The following DYNC2I1 variants were observed in gnomAD, a reference collection of about 807,000 sequenced individuals.
DYNC2I1 encodes cytoplasmic dynein 2 intermediate chain 1.
A neutral mutation model predicts 133.4 loss-of-function variants in DYNC2I1; 89 were observed. That is an observed-to-expected ratio of 0.67 (90% CI 0.56 to 0.80). DYNC2I1 has a LOEUF of 0.80. Among genes scored for constraint, DYNC2I1 ranks in the 30% least tolerant of loss-of-function variants. The pLI is 0.00. For missense variants in DYNC2I1, 1,291 were observed against 1,314.5 expected (o/e 0.98, Z 0.28); for synonymous variants, 504 against 484.3 (o/e 1.04, Z -0.54).
intron 20 of DYNC2I1, among the ~76,000 whole-genome samples, chr7:158,929,021 A>C (rs960194359): frequency 6.6e-6 from 1 of 152,252 alleles, no homozygotes; most frequent in Non-Finnish European, 1.5e-5. Context: ...TTTGTAGTAC[A>C]TGATGGTCAT....
rs1022807651 is a variant in DYNC2I1, at chr7:158,877,283, C to A, written c.573+592C>A. ...CGGGTGTGTTGGTGCTCTCCAGGCACCTGCGGTTCCGGATTGGTGTTTTGC... is the reference window on the plus strand; with the variant it reads ...CGGGTGTGTTGGTGCTCTCCAGGCAACTGCGGTTCCGGATTGGTGTTTTGC... On this transcript the variant is annotated intron_variant, in intron 4 of 24. Coordinates refer to ENST00000407559, the MANE Select transcript of DYNC2I1 (RefSeq NM_018051.5). Among the ~76,000 whole-genome samples, 7 of 150,004 alleles carry A rather than the reference C, an allele frequency of 4.7e-5. No individual in the cohort carries two copies. The South Asian group carries it at 1.5e-3, about 32-fold the overall frequency.
At chr7:158,929,947 CAG>C (rs935837671) in intron 20 of DYNC2I1, among the ~76,000 whole-genome samples, 46 of 152,296 alleles carry the variant, frequency 3.0e-4, no homozygotes, top group African/African-American at 1.1e-3. Context: ...GCTGCTGGAA[CAG>C]AGAGTGAGGC....
intron 11 of DYNC2I1, 67 bp downstream of exon 11, chr7:158,906,158 T>C (rs904838490): frequency 1.7e-5 from 24 of 1,417,112 alleles, no homozygotes; most frequent in Non-Finnish European, 2.1e-5. Flanking sequence ...TCACATACTT[T>C]TAAAAAATCG....
intron 14 of DYNC2I1, among the ~76,000 whole-genome samples, chr7:158,915,223 T>A (rs1429753690): frequency 6.7e-6 from 1 of 149,938 alleles, no homozygotes; most frequent in African/African-American, 2.5e-5. Flanking sequence ...TAAGGATGAC[T>A]GTGAAACATC....
chr7:158,861,427 CAG>C (rs1841858896), intron 1 of DYNC2I1, among the ~76,000 whole-genome samples: 1 of 152,168 alleles, frequency 6.6e-6, no homozygotes, highest in Non-Finnish European at 1.5e-5. Context: ...TCAGTGCAAA[CAG>C]AAATGGAGCT....
At chr7:158,885,760 T>C (rs1396841003) in intron 6 of DYNC2I1, among the ~76,000 whole-genome samples, 1 of 152,206 alleles carries the variant, frequency 6.6e-6, no homozygotes, top group East Asian at 1.9e-4. Flanking sequence ...TTTTACAAGT[T>C]TGGGCAAAGC....
At chr7:158,846,195 G>GT in the DYNC2I1 span, among the ~76,000 whole-genome samples, 2 of 152,176 alleles carry the variant, frequency 1.3e-5, no homozygotes, top group Non-Finnish European at 2.9e-5. Context: ...GGAAGCAGAA[G>GT]TTGTAGTGAG....
chr7:158,921,850 ATGTGTGAGAGC>A (rs1458095582), intron 15 of DYNC2I1, among the ~76,000 whole-genome samples: 1 of 152,100 alleles, frequency 6.6e-6, no homozygotes, highest in African/African-American at 2.4e-5. Flanking sequence ...TCTTCTGCTG[ATGTGTGAGAGC>A]TGCCGGCACG....
intron 3 of DYNC2I1, 55 bp from the exon 4 acceptor site, chr7:158,876,554 G>T: frequency 6.6e-7 from 1 of 1,504,736 alleles, no homozygotes; most frequent in South Asian, 1.4e-5. Context: ...TGTTAAAAGA[G>T]TTTTTTGATG....
chr7:158,926,097 G>C, intron 17 of DYNC2I1, 90 bp from the exon 18 acceptor site: 1 of 998,738 alleles, frequency 1.0e-6, no homozygotes, highest in Non-Finnish European at 1.5e-6. Flanking sequence ...GTGAGACCCA[G>C]AAGCACCTCG....
chr7:158,884,264 A>G (rs1278015471), intron 5 of DYNC2I1, among the ~76,000 whole-genome samples: 2 of 148,846 alleles, frequency 1.3e-5, no homozygotes, highest in Admixed American at 6.8e-5. Flanking sequence ...AGGCTCGTCT[A>G]TAACTCCCGA....
At chr7:158,863,534 T>G (rs1842064306) in intron 1 of DYNC2I1, among the ~76,000 whole-genome samples, 1 of 151,454 alleles carries the variant, frequency 6.6e-6, no homozygotes, top group African/African-American at 2.4e-5. Context: ...GGCTGCTTAC[T>G]TAGCTCTGGG....
At chr7:158,844,366 G>A in the DYNC2I1 span, among the ~76,000 whole-genome samples, 51 of 152,220 alleles carry the variant, frequency 3.4e-4, no homozygotes, top group African/African-American at 1.0e-3. Flanking sequence ...GTGGGTCATC[G>A]GTGCAGATGT....
At chr7:158,957,941 C>T (rs563441650), downstream of DYNC2I1, among the ~76,000 whole-genome samples, 3 of 152,322 alleles carry the variant, frequency 2.0e-5, no homozygotes, top group South Asian at 6.2e-4. Flanking sequence ...CCCCCAGTGT[C>T]TGTGGGACCC....
At chr7:158,840,885 C>G in the DYNC2I1 span, among the ~76,000 whole-genome samples, 20 of 152,070 alleles carry the variant, frequency 1.3e-4, no homozygotes, top group Non-Finnish European at 2.2e-4. Context: ...CACGGCCAGC[C>G]CACTGGCTGG....
chr7:158,842,034 G>T, the DYNC2I1 span, among the ~76,000 whole-genome samples: 1 of 151,982 alleles, frequency 6.6e-6, no homozygotes, highest in African/African-American at 2.4e-5. Flanking sequence ...TATTTTGTTT[G>T]TTTGTTTGTT....
intron 8 of DYNC2I1, among the ~76,000 whole-genome samples, chr7:158,894,283 C>T (rs1363534951): frequency 6.6e-6 from 1 of 152,174 alleles, no homozygotes; most frequent in Non-Finnish European, 1.5e-5. Flanking sequence ...ACCACATGTC[C>T]TACTGCATAT....
intron 8 of DYNC2I1, among the ~76,000 whole-genome samples, chr7:158,893,526 T>C (rs879352390): frequency 1.3e-5 from 2 of 152,186 alleles, no homozygotes; most frequent in Non-Finnish European, 2.9e-5. Context: ...TAATATCTCA[T>C]ATAATTTATT....
intron 8 of DYNC2I1, among the ~76,000 whole-genome samples, chr7:158,898,499 T>C (rs1488213653): frequency 2.6e-5 from 4 of 152,234 alleles, no homozygotes; most frequent in African/African-American, 4.8e-5. Context: ...TCTTTATTCA[T>C]GTTGACTCTC....
Sources: allele counts gnomAD v4.1 joint callset (sites outside exome capture counted in the v4.1 genomes callset), GRCh38; gene constraint gnomAD v4.1.1; transcripts MANE v1.5; gene names NCBI Gene and HGNC (gene_info 2026-07-23, HGNC 2026-07-21).